The following OPHN1 variants were observed in gnomAD, a reference collection of about 807,000 sequenced individuals.
OPHN1 encodes oligophrenin 1.
A neutral mutation model predicts 60.7 loss-of-function variants in OPHN1; 11 were observed. The ratio of observed to expected loss-of-function variants is 0.18; its 90% CI spans 0.11 to 0.30. OPHN1 has a LOEUF of 0.30. Among genes scored for constraint, OPHN1 ranks in the 10% least tolerant of loss-of-function variants. The probability of loss-of-function intolerance (pLI) is 1.00; values close to 1 mark genes in which losing one functional copy is unlikely to be tolerated. For synonymous variants in OPHN1, 226 were observed against 222.6 expected, an observed-to-expected ratio of 1.02 and a Z score of -0.14; for missense variants, 449 against 611.0, an observed-to-expected ratio of 0.73 and a Z score of 2.80.
intron 20 of OPHN1, among the ~76,000 whole-genome samples, chrX:68,066,455 C>T (rs1050678044): frequency 1.8e-5 from 2 of 111,365 alleles, no homozygotes; most frequent in Non-Finnish European, 3.8e-5. Flanking sequence ...TCTGCTGGCT[C>T]GGGAAAATAG....
intron 2 of OPHN1, among the ~76,000 whole-genome samples, chrX:68,407,250 T>G (rs778940875): frequency 8.9e-6 from 1 of 112,123 alleles, no homozygotes; most frequent in African/African-American, 3.2e-5. Flanking sequence ...AATAAAGTAG[T>G]TAATGGTCCA....
chrX:68,092,254 C>A (rs918755890), intron 19 of OPHN1, among the ~76,000 whole-genome samples: 1 of 111,673 alleles, frequency 9.0e-6, no homozygotes, highest in Non-Finnish European at 1.9e-5. Context: ...TTGCCAGGAA[C>A]ATATAATCCC....
chrX:68,210,325 T>A, intron 8 of OPHN1, 43 bp from the exon 9 acceptor site: 1 of 1,171,271 alleles, frequency 8.5e-7, no homozygotes, highest in African/African-American at 1.8e-5. Flanking sequence ...TCATCATCAT[T>A]ATCATGAAAA....
intron 2 of OPHN1, among the ~76,000 whole-genome samples, chrX:68,398,063 C>T (rs886167617): frequency 8.9e-6 from 1 of 111,777 alleles, no homozygotes; most frequent in African/African-American, 3.3e-5. Context: ...CTGTAGAAAA[C>T]CTGCCAGAGT....
At chrX:68,341,049 T>A (rs1466437280) in intron 2 of OPHN1, among the ~76,000 whole-genome samples, 1 of 105,430 alleles carries the variant, frequency 9.5e-6, no homozygotes, top group Non-Finnish European at 1.9e-5. Flanking sequence ...GTGGCCTGCC[T>A]CACATCAATT....
rs1353436167 is a variant in OPHN1 at position 68,311,485 on chromosome X, T to A, written c.155-12389A>T. 5.4e-5 allele frequency among the ~76,000 whole-genome samples: 6 copies of A among 111,668 alleles called. No individual in the cohort carries two copies. In the East Asian group the frequency reaches 1.7e-3, roughly 32 times the overall value. ...TCTCGCTCTGTCACCCAGGCTGGAG[T>A]GCAGTGATGCAATCTGGGCTCACTG... On this transcript the variant is annotated intron_variant, in intron 2 of 24. Coordinates refer to ENST00000355520, the MANE Select transcript of OPHN1 (RefSeq NM_002547.3).
In OPHN1 at chrX:68,392,897, A is replaced by G. The variant is rs749047999; in HGVS notation, c.154+39970T>C. Among the ~76,000 whole-genome samples, 62 of 109,554 alleles carry G rather than the reference A, an allele frequency of 5.7e-4. 1 individual carries two copies. The highest frequency in any genetic ancestry group is 1.9e-3 in the African/African-American group (57 of 30,156). ...CACTGAGAGCCACCTCCACCACGCA[A>G]TAAAACCCTGCATTCATCCTTCAAG... On this transcript the variant is annotated intron_variant, in intron 2 of 24. Transcript: ENST00000355520.
At chrX:68,132,181 C>T (rs1160661592) in intron 15 of OPHN1, among the ~76,000 whole-genome samples, 1 of 110,276 alleles carries the variant, frequency 9.1e-6, no homozygotes, top group East Asian at 2.9e-4. Context: ...CCATTTGACC[C>T]AGCCATCCCA....
intron 19 of OPHN1, among the ~76,000 whole-genome samples, chrX:68,083,089 G>C (rs2076980944): frequency 4.8e-5 from 2 of 41,898 alleles, no homozygotes; most frequent in African/African-American, 1.8e-4. Flanking sequence ...TTTTTGAGAC[G>C]GAGTCTCGCT....
At chrX:68,166,272 G>A (rs1193673177) in intron 15 of OPHN1, among the ~76,000 whole-genome samples, 3 of 112,310 alleles carry the variant, frequency 2.7e-5, no homozygotes, top group Admixed American at 1.9e-4. Context: ...GGTGGCTCAC[G>A]CCTGTAATCC....
intron 2 of OPHN1, among the ~76,000 whole-genome samples, chrX:68,344,560 C>T (rs1316699039): frequency 1.8e-5 from 2 of 109,290 alleles, no homozygotes; most frequent in East Asian, 5.8e-4. Flanking sequence ...TGTACCGAGC[C>T]GAGATTGTGC....
chrX:68,130,428 CA>C (rs2077189202), intron 15 of OPHN1, among the ~76,000 whole-genome samples: 1 of 111,471 alleles, frequency 9.0e-6, no homozygotes, highest in African/African-American at 3.3e-5. Context: ...CAAATCTACC[CA>C]AAGTATGTAG....
chrX:68,226,960 A>G (rs2077697246), intron 6 of OPHN1, among the ~76,000 whole-genome samples: 1 of 111,731 alleles, frequency 9.0e-6, no homozygotes, highest in African/African-American at 3.3e-5. Context: ...GTCAAGTCCC[A>G]TCATTGTGCT....
At chrX:68,355,849 C>T (rs2078437297) in intron 2 of OPHN1, among the ~76,000 whole-genome samples, 1 of 111,018 alleles carries the variant, frequency 9.0e-6, no homozygotes, top group Admixed American at 9.7e-5. Flanking sequence ...CCAGCCTGGT[C>T]AACATGACAA....
chrX:68,382,116 G>A (rs1047623229), intron 2 of OPHN1, among the ~76,000 whole-genome samples: 13 of 111,452 alleles, frequency 1.2e-4, no homozygotes, highest in African/African-American at 4.2e-4. Context: ...GGGAGGCCAA[G>A]GCAGGTGGAT....
In OPHN1 at chrX:68,210,280, T is replaced by G. The variant is rs375948969; in HGVS notation, c.705A>C (p.Thr235=). 1.8e-4 allele frequency: 219 copies of G among 1,205,575 alleles called. No homozygotes were observed. The highest frequency in any genetic ancestry group is 2.3e-4 in the Non-Finnish European group (207 of 891,561). The part of the protein sequence containing the change: ...KQQLQLSLQN[T]RNHFSSTREE... Reference sequence around the variant, plus strand: ...CCCGGGTACTGGAGAAATGATTTCTTGTCTGTCAAGACATCATCATGAAAA... The same window carrying G: ...CCCGGGTACTGGAGAAATGATTTCTGGTCTGTCAAGACATCATCATGAAAA... The change falls in exon 9 of 25, where the codon ACA becomes ACC. Residue 235 remains threonine (T), a splice_region_variant and synonymous_variant. Coordinates refer to ENST00000355520, the MANE Select transcript of OPHN1 (RefSeq NM_002547.3).
intron 15 of OPHN1, among the ~76,000 whole-genome samples, chrX:68,158,367 G>A (rs899472135): frequency 8.9e-6 from 1 of 111,860 alleles, no homozygotes; most frequent in African/African-American, 3.3e-5. Flanking sequence ...GATGTTGGAG[G>A]AAAATCCTGC....
At chrX:68,330,931 T>G (rs925415826) in intron 2 of OPHN1, among the ~76,000 whole-genome samples, 2 of 105,977 alleles carry the variant, frequency 1.9e-5, no homozygotes, top group South Asian at 3.8e-4. Flanking sequence ...TATTAATATA[T>G]TTAAATATAT....
chrX:68,414,441 T>G (rs2078784201), intron 2 of OPHN1, among the ~76,000 whole-genome samples: 1 of 112,069 alleles, frequency 8.9e-6, no homozygotes, highest in East Asian at 2.8e-4. Context: ...TCTTGAATTT[T>G]CAAGTCATAA....
Sources: gnomAD v4.1 joint callset for allele counts (sites outside exome capture counted in the v4.1 genomes callset) on GRCh38, gnomAD v4.1.1 for gene constraint, MANE v1.5 for transcripts, NCBI Gene and HGNC (gene_info 2026-07-23, HGNC 2026-07-21) for gene names.